The following GALNTL6 variants were observed in gnomAD, a reference collection of about 807,000 sequenced individuals.
GALNTL6 encodes the protein polypeptide N-acetylgalactosaminyltransferase-like 6.
GALNTL6 carries 46 observed loss-of-function variants against 73.7 expected under a neutral mutation model. That is an observed-to-expected ratio of 0.62 (90% CI 0.49 to 0.80). The LOEUF (loss-of-function observed/expected upper bound fraction) is 0.80. Ranked by LOEUF, GALNTL6 falls within the 30% of genes least tolerant of loss-of-function variation. GALNTL6 has a pLI of 0.00. For missense variants in GALNTL6, 604 were observed against 755.0 expected, an observed-to-expected ratio of 0.80 and a Z score of 2.34; for synonymous variants, 259 against 263.7, an observed-to-expected ratio of 0.98 and a Z score of 0.17.
chr4:172,930,812 A>G (rs557641047), intron 8 of GALNTL6, among the ~76,000 whole-genome samples: 1 of 152,184 alleles, frequency 6.6e-6, no homozygotes, highest in African/African-American at 2.4e-5. Flanking sequence ...CTGAAGGCGC[A>G]CACCACCACA....
In GALNTL6 at chr4:172,529,063, A is replaced by G. The variant is rs528160682; in HGVS notation, c.553+180374A>G. Among the ~76,000 whole-genome samples the G allele has an allele frequency of 5.4e-5, 8 of 147,418 alleles. No homozygotes were observed. In the East Asian group the frequency reaches 1.6e-3, roughly 29 times the overall value. The stretch of plus-strand genomic sequence containing the variant: ...AAGTAGCAGTACAAGCAGGATCTGA[A>G]CCCATATTTTAAATTTTAAGTCTAA... On this transcript the variant is annotated intron_variant, in intron 5 of 12. Transcript: ENST00000506823.
chr4:172,199,739 G>T lies in GALNTL6; in HGVS notation c.139-29917G>T, dbSNP rs1735894772. On this transcript the variant is annotated intron_variant, in intron 2 of 12. Coordinates refer to ENST00000506823, the MANE Select transcript of GALNTL6 (RefSeq NM_001034845.3). ...TAAATAGATCATATTTACTTTGAAA[G>T]ATTTTTTGTTGTTGTTGTTGTTTGT... 3.3e-5 allele frequency among the ~76,000 whole-genome samples: 5 copies of T among 150,828 alleles called. No homozygotes were observed. The South Asian group carries it at 1.0e-3, about 31-fold the overall frequency.
At chr4:172,782,629 A>T (rs963394677) in intron 5 of GALNTL6, among the ~76,000 whole-genome samples, 2 of 152,046 alleles carry the variant, frequency 1.3e-5, no homozygotes, top group Non-Finnish European at 2.9e-5. Context: ...TCCTTTTAGC[A>T]TCCTAAAAGA....
intron 5 of GALNTL6, among the ~76,000 whole-genome samples, chr4:172,374,470 CAG>C (rs1256575282): frequency 2.6e-5 from 4 of 152,160 alleles, no homozygotes; most frequent in Admixed American, 6.5e-5. Flanking sequence ...AGTTGGGTGA[CAG>C]GGGAGTATAT....
intron 7 of GALNTL6, among the ~76,000 whole-genome samples, chr4:172,848,560 G>A (rs1743637175): frequency 6.6e-6 from 1 of 152,200 alleles, no homozygotes; most frequent in Non-Finnish European, 1.5e-5. Context: ...TGGGAAAAGA[G>A]AAGTAGTTGC....
At chr4:172,285,022 T>C (rs1739197205) in intron 3 of GALNTL6, among the ~76,000 whole-genome samples, 1 of 152,214 alleles carries the variant, frequency 6.6e-6, no homozygotes, top group African/African-American at 2.4e-5. Context: ...AGATCTGAAA[T>C]TGCTTTGCAT....
At chr4:171,925,274 G>A (rs1456108401) in intron 2 of GALNTL6, among the ~76,000 whole-genome samples, 1 of 152,112 alleles carries the variant, frequency 6.6e-6, no homozygotes, top group African/African-American at 2.4e-5. Context: ...CCTGAGATAT[G>A]CTTTTTAGGT....
chr4:172,895,394 A>AT (rs1272077906), intron 8 of GALNTL6, among the ~76,000 whole-genome samples: 7 of 146,960 alleles, frequency 4.8e-5, no homozygotes, highest in African/African-American at 1.8e-4. Flanking sequence ...TTATATATAT[A>AT]TATATATATT....
intron 3 of GALNTL6, 108 bp from the exon 4 acceptor site, chr4:172,311,506 G>T: frequency 1.3e-6 from 1 of 798,550 alleles, no homozygotes; most frequent in Non-Finnish European, 1.8e-6. Context: ...AGCTCCTTCT[G>T]CAGAGCACAG....
At chr4:172,666,525 T>C (rs867996623) in intron 5 of GALNTL6, among the ~76,000 whole-genome samples, 2 of 151,976 alleles carry the variant, frequency 1.3e-5, no homozygotes, top group African/African-American at 2.4e-5. Flanking sequence ...ACAAAAAAAA[T>C]TCTGTGAGGA....
Position 173,023,219 on chromosome 4 carries a change from T to C in GALNTL6, c.1638+1594T>C, listed in dbSNP as rs138432583. Among the ~76,000 whole-genome samples, 51 of 152,300 alleles carry C rather than the reference T, an allele frequency of 3.3e-4. 1 individual carries two copies. The highest frequency in any genetic ancestry group is 1.1e-3 in the African/African-American group (47 of 41,568). ...TGGTTATGTTACTTGTTGCCTTACTTAATAAGCATTCTGGTTTCCACCTCT... is the reference window on the plus strand; with the variant it reads ...TGGTTATGTTACTTGTTGCCTTACTCAATAAGCATTCTGGTTTCCACCTCT... On this transcript the variant is annotated intron_variant, in intron 12 of 12. Transcript: ENST00000506823.
chr4:172,431,741 T>A (rs1293610711), intron 5 of GALNTL6, among the ~76,000 whole-genome samples: 2 of 152,148 alleles, frequency 1.3e-5, no homozygotes, highest in East Asian at 3.9e-4. Flanking sequence ...CATAAATAAC[T>A]GATTAGTGTT....
intron 2 of GALNTL6, among the ~76,000 whole-genome samples, chr4:171,876,865 G>C (rs78887917): frequency 0.019 from 2,845 of 152,262 alleles, 84 homozygotes; most frequent in African/African-American, 0.064. Context: ...ATTATAATTT[G>C]ATTTGATTCA....
At chr4:172,783,535 T>C (rs1382052909) in intron 5 of GALNTL6, among the ~76,000 whole-genome samples, 4 of 149,198 alleles carry the variant, frequency 2.7e-5, no homozygotes, top group African/African-American at 9.8e-5. Context: ...ATAGTAATAA[T>C]ATTAATAGTG....
chr4:172,235,807 G>A, intron 3 of GALNTL6, among the ~76,000 whole-genome samples: 1 of 152,002 alleles, frequency 6.6e-6, no homozygotes, highest in Non-Finnish European at 1.5e-5. Flanking sequence ...CCCCTGCCCT[G>A]TAGTCCCCAG....
rs577169352 is a variant in GALNTL6, at chr4:172,248,480, C to T, written c.247+18716C>T. Among the ~76,000 whole-genome samples, 53 of 152,264 alleles carry T rather than the reference C, an allele frequency of 3.5e-4. No homozygotes were observed. The South Asian group carries it at 9.5e-3, about 27-fold the overall frequency. On this transcript the variant is annotated intron_variant, in intron 3 of 12. Transcript: ENST00000506823. ...GATGTGAGCATATGACTGTCTAGAA[C>T]AGTCACCAGTAGGTTTCATTTATCA...
chr4:173,011,454 C>T (rs1046323434), intron 11 of GALNTL6, among the ~76,000 whole-genome samples: 3 of 152,104 alleles, frequency 2.0e-5, no homozygotes, highest in African/African-American at 7.2e-5. Context: ...GGAGAGTTTC[C>T]TCAATGTTTT....
At chr4:172,063,281 A>G (rs1022863341) in intron 2 of GALNTL6, among the ~76,000 whole-genome samples, 1 of 152,188 alleles carries the variant, frequency 6.6e-6, no homozygotes, top group Non-Finnish European at 1.5e-5. Context: ...ATAATCTTTC[A>G]CATTCATGTT....
At chr4:172,376,261 A>G (rs1416775897) in intron 5 of GALNTL6, among the ~76,000 whole-genome samples, 4 of 152,306 alleles carry the variant, frequency 2.6e-5, no homozygotes, top group African/African-American at 9.6e-5. Context: ...CTCAGAGAAG[A>G]GAGGTGAGAG....
Sources: gnomAD v4.1 joint callset for allele counts (sites outside exome capture counted in the v4.1 genomes callset) on GRCh38, gnomAD v4.1.1 for gene constraint, MANE v1.5 for transcripts, NCBI Gene and HGNC (gene_info 2026-07-23, HGNC 2026-07-21) for gene names.